TTN: variants seen among roughly 807,000 people sequenced by gnomAD.
TTN encodes the protein connectin.
TTN carries 1,525 observed loss-of-function variants against 3,223.0 expected under a neutral mutation model. The ratio of observed to expected loss-of-function variants is 0.47; its 90% confidence interval spans 0.45 to 0.49. The LOEUF (loss-of-function observed/expected upper bound fraction) is 0.49. Ranked by LOEUF, TTN falls within the 20% of genes least tolerant of loss-of-function variation. The probability of loss-of-function intolerance (pLI) is 0.00; values close to 1 mark genes in which losing one functional copy is unlikely to be tolerated. For missense variants in TTN, 40,786 were observed against 43,424.0 expected, an observed-to-expected ratio of 0.94 and a Z score of 5.40; for synonymous variants, 14,094 against 15,161.0, an observed-to-expected ratio of 0.93 and a Z score of 5.17.
chr2:178,532,382 C>G lies in TTN; in HGVS notation c.104233G>C (p.Glu34745Gln). ...GCCTGGGCATGCCGTTCCCTCAGTT[C>G]TGCATAACTTGTACTAGCTTCAGCC... is the stretch of plus-strand genomic sequence containing the variant. ...TKAEASTSYA[E>Q]LRERHAQAAY... Residue 34745 changes from glutamate to glutamine, a missense_variant, in exon 358 of 363, where the codon GAA becomes CAA. Transcript: ENST00000589042. 1 of 1,614,014 alleles carries G rather than the reference C, an allele frequency of 6.2e-7. No homozygotes were observed. The highest frequency in any genetic ancestry group is 8.5e-7 in the Non-Finnish European group (1 of 1,179,890).
Position 178,591,585 on chromosome 2 carries a change from A to G in TTN, c.60220+14T>C. Reference sequence around the variant, plus strand: ...TAAAAAGAAATAAGGTAATACTGCTAGTCCAAAAATTACCTAGTTTTTCTT... The same window carrying G: ...TAAAAAGAAATAAGGTAATACTGCTGGTCCAAAAATTACCTAGTTTTTCTT... On this transcript the variant is annotated intron_variant, in intron 303 of 362. Coordinates refer to ENST00000589042, the MANE Select transcript of TTN (RefSeq NM_001267550.2). 1 of 1,608,546 alleles carries G rather than the reference A, an allele frequency of 6.2e-7. No individual in the cohort carries two copies. The highest frequency in any genetic ancestry group is 8.5e-7 in the Non-Finnish European group (1 of 1,178,482).
At position 178,783,026 on chromosome 2, in the gene TTN, G is replaced by A. The variant is rs1561366469; in HGVS notation, c.2880C>T (p.Val960=). 5.0e-6 allele frequency: 8 copies of A among 1,613,984 alleles called. No homozygotes were observed. Among genetic ancestry groups the A allele is most frequent in the Non-Finnish European group, 6.8e-6 (8 of 1,179,994 alleles). The change falls in exon 18 of 363, where the codon GTC becomes GTT. Residue 960 remains valine, a synonymous_variant. Transcript: ENST00000589042. The part of the protein sequence containing the change: ...KNVTVIEGES[V]TLECHISGYP... ...ATCCAGAGATGTGGCACTCCAAGGT[G>A]ACAGATTCACCTTCTATGACAGTCA...
At chr2:178,746,858 A>T in intron 47 of TTN, 1 of 1,613,452 alleles carries the variant, frequency 6.2e-7, no homozygotes, top group Middle Eastern at 1.7e-4. Flanking sequence ...AGATGGAGGC[A>T]TTTCATTGTC....
Position 178,609,742 on chromosome 2 carries a change from G to A in TTN, c.51681C>T (p.Ala17227=), listed in dbSNP as rs367779216. 21 of 1,612,006 alleles carry A rather than the reference G, an allele frequency of 1.3e-5. No individual in the cohort carries two copies. Among genetic ancestry groups the A allele is most frequent in the Middle Eastern group, 3.3e-4 (2 of 6,070 alleles). ...EYQFRVRAEN[A]AGISEPSRAT... ...CCCGAGAAGGTTCACTAATACCCGCGGCGTTCTCTGCTCGCACACGGAATT... is the reference window on the plus strand; with the variant it reads ...CCCGAGAAGGTTCACTAATACCCGCAGCGTTCTCTGCTCGCACACGGAATT... The change falls in exon 272 of 363, where the codon GCC becomes GCT. Residue 17227 remains alanine (A), a synonymous_variant. Coordinates refer to ENST00000589042, the MANE Select transcript of TTN (RefSeq NM_001267550.2).
intron 263 of TTN, 97 bp from the exon 264 acceptor site, chr2:178,613,373 G>T: frequency 9.8e-7 from 1 of 1,024,460 alleles, no homozygotes; most frequent in Non-Finnish European, 1.4e-6. Context: ...TTTAAATTGT[G>T]AAAAGGTGAT....
Position 178,571,274 on chromosome 2 carries a change from A to T in TTN, c.74858T>A (p.Ile24953Asn), listed in dbSNP as rs370142941. ...TGTTTTATTCAACTTAACCCAGAGG[A>T]TGCTATTTCTTTCCTTGCGTTCTAG... is the stretch of plus-strand genomic sequence containing the variant. ...YHLERKERNSILWVKLNKTPI... is the reference protein window; with the variant it reads ...YHLERKERNSNLWVKLNKTPI... Residue 24953 changes from isoleucine to asparagine, a missense_variant, in exon 326 of 363, where the codon ATC becomes AAC. Physicochemically the swap from Ile to Asn is moderately radical, Grantham distance 149. Transcript: ENST00000589042. 2 of 1,613,474 alleles carry T rather than the reference A, an allele frequency of 1.2e-6. No homozygotes were observed. The highest frequency in any genetic ancestry group is 2.2e-5 in the South Asian group (2 of 91,072).
rs745676502 is a variant in TTN at position 178,778,968 on chromosome 2, T to G, written c.4114A>C (p.Asn1372His). The change falls in exon 24 of 363, where the codon AAT becomes CAT. Residue 1372 changes from asparagine to histidine, a missense_variant. Coordinates refer to ENST00000589042, the MANE Select transcript of TTN (RefSeq NM_001267550.2). ...YTAFASNIKG[N>H]AICSGKLYVE... is the part of the protein sequence containing the mutation. ...TACAATTTCCCTGAGCAAATTGCAT[T>G]TCCTTTAATATTGCTGGCAAATGCA... 1.2e-6 allele frequency: 2 copies of G among 1,614,016 alleles called. No individual in the cohort carries two copies. The highest frequency in any genetic ancestry group is 1.3e-5 in the African/African-American group (1 of 75,022).
intron 350 of TTN, 117 bp from the exon 351 acceptor site, chr2:178,540,487 T>C: frequency 1.1e-6 from 1 of 919,170 alleles, no homozygotes; most frequent in South Asian, 1.8e-5. Flanking sequence ...GCCTGTTTTT[T>C]TGTCTTGTGA....
intron 6 of TTN, among the ~76,000 whole-genome samples, chr2:178,798,295 G>A (rs1320244998): frequency 6.6e-6 from 1 of 151,698 alleles, no homozygotes; most frequent in Non-Finnish European, 1.5e-5. Context: ...CTCAAATTTT[G>A]TACATTTTTC....
At chr2:178,595,864 T>C (rs1053236381) in intron 294 of TTN, 55 bp from the exon 295 acceptor site, 4 of 1,489,906 alleles carry the variant, frequency 2.7e-6, no homozygotes, top group Non-Finnish European at 3.6e-6. Flanking sequence ...AAGATAATGC[T>C]CAACACTTGT....
In TTN at chr2:178,578,966, G is replaced by A. The variant is rs776921277; in HGVS notation, c.68064C>T (p.Asn22688=). The A allele has an allele frequency of 6.2e-7, 1 of 1,613,170 alleles. No individual in the cohort carries two copies. The highest frequency in any genetic ancestry group is 8.5e-7 in the Non-Finnish European group (1 of 1,179,480). The change falls in exon 320 of 363, where the codon AAC becomes AAT. Residue 22688 remains asparagine, a synonymous_variant. Coordinates refer to ENST00000589042, the MANE Select transcript of TTN (RefSeq NM_001267550.2). ...CTGAGGCGCACGTCACCCACTTGTT[G>A]TTCACAGAATCCCTCTTCTCTAGGA... ...NYILEKRDSV[N]NKWVTCASAV...
At position 178,588,572 on chromosome 2, in the gene TTN, C is replaced by G; in HGVS notation, c.63153G>C (p.Leu21051Phe). ...CTTTTGCCACCACCGGTCTTGAAGG[C>G]AAGCTTGGTTCTCCAATTCCAATTT... ...ENEIGIGEPS[L>F]PSRPVVAKDP... Residue 21051 changes from leucine to phenylalanine, a missense_variant, in exon 304 of 363, where the codon TTG (leucine) becomes TTC (phenylalanine). Transcript: ENST00000589042. 3 of 1,543,248 alleles carry G rather than the reference C, an allele frequency of 1.9e-6. No individual in the cohort carries two copies. Among genetic ancestry groups the G allele is most frequent in the Non-Finnish European group, 2.6e-6 (3 of 1,148,094 alleles).
chr2:178,680,320 G>C lies in TTN; in HGVS notation c.33352C>G (p.Pro11118Ala). Residue 11118 changes from proline (P) to alanine (A), a missense_variant, in exon 139 of 363, where the codon CCC (proline) becomes GCC (alanine). Pro to Ala is a conservative substitution (Grantham distance 27). Coordinates refer to ENST00000589042, the MANE Select transcript of TTN (RefSeq NM_001267550.2). The part of the protein sequence containing the change: ...TEPAAKVPMK[P>A]KRVVAEEKVP... ...TTTTCTTCTGCGACAACCCTCTTGG[G>C]CTTCATGGGCACTTGAAATATGAAG... 2.5e-6 allele frequency: 4 copies of C among 1,608,750 alleles called. No individual in the cohort carries two copies. Among genetic ancestry groups the C allele is most frequent in the Non-Finnish European group, 3.4e-6 (4 of 1,178,420 alleles).
chr2:178,598,744 T>G lies in TTN; in HGVS notation c.56962+4A>C. The G allele has an allele frequency of 1.9e-6, 3 of 1,610,724 alleles. No homozygotes were observed. Among genetic ancestry groups the G allele is most frequent in the Non-Finnish European group, 2.5e-6 (3 of 1,178,884 alleles). ...TAAAAAAAAGGAATGGTTTCCAGGCTTACCAATTGGATCTCTAGCAGTCGC... is the reference window on the plus strand; with the variant it reads ...TAAAAAAAAGGAATGGTTTCCAGGCGTACCAATTGGATCTCTAGCAGTCGC... On this transcript the variant is annotated splice_donor_region_variant and intron_variant, in intron 291 of 362. Transcript: ENST00000589042.
At position 178,574,765 on chromosome 2, in the gene TTN, G is replaced by C; in HGVS notation, c.71367C>G (p.Thr23789=). 1.2e-6 allele frequency: 2 copies of C among 1,612,374 alleles called. No individual in the cohort carries two copies. The highest frequency in any genetic ancestry group is 1.1e-5 in the South Asian group (1 of 90,900). ...GATACTCTAATCCAGTAGTAAGGCG[G>C]GTGGCTTTATAGGTAGTACGTATAA... is the stretch of plus-strand genomic sequence containing the variant. ...TTVIRTTYKA[T]RLTTGLEYQF... The change falls in exon 326 of 363, where the codon ACC becomes ACG. Residue 23789 remains threonine (T), a synonymous_variant. Transcript: ENST00000589042.
At position 178,535,370 on chromosome 2, in the gene TTN, C is replaced by T. The variant is rs201554140; in HGVS notation, c.101245G>A (p.Val33749Met). 4.3e-4 allele frequency: 690 copies of T among 1,613,888 alleles called. 3 individuals are homozygous for T. The African/African-American group carries it at 7.3e-3, about 17-fold the overall frequency. ...VGQARETRYT[V>M]INLFGKTSYQ... ...CTTGTTTTTCCAAATAAGTTGATCA[C>T]GGTATAACGTGTTTCTCGGGCCTGT... Residue 33749 changes from valine (V) to methionine (M), a missense_variant, in exon 358 of 363, where the codon GTG becomes ATG. By Grantham distance (21) the Val-to-Met change is conservative. Transcript: ENST00000589042.
intron 33 of TTN, 24 bp downstream of exon 33, chr2:178,773,085 A>C: frequency 1.2e-6 from 2 of 1,613,588 alleles, no homozygotes; most frequent in Non-Finnish European, 1.7e-6. Context: ...CCTCGTAAGA[A>C]TTTAGGTTAA....
At chr2:178,529,623 G>C (rs1282762486) in intron 359 of TTN, among the ~76,000 whole-genome samples, 2 of 152,170 alleles carry the variant, frequency 1.3e-5, no homozygotes, top group Non-Finnish European at 2.9e-5. Flanking sequence ...CACTGCTTTG[G>C]AAAATTAGCA....
At chr2:178,675,821 T>C in intron 148 of TTN, 67 bp from the exon 149 acceptor site, 1 of 1,525,022 alleles carries the variant, frequency 6.6e-7, no homozygotes. Flanking sequence ...GACACAGCAG[T>C]AATATAAGTT....
Sources: gnomAD v4.1 joint callset for allele counts (sites outside exome capture counted in the v4.1 genomes callset) on GRCh38, gnomAD v4.1.1 for gene constraint, MANE v1.5 for transcripts, NCBI Gene and HGNC (gene_info 2026-07-23, HGNC 2026-07-21) for gene names.